RCAN3: variants seen among roughly 807,000 people sequenced by gnomAD.
RCAN3 encodes calcipressin-3.
RCAN3 carries 19 observed loss-of-function variants against 21.9 expected under a neutral mutation model. The observed-to-expected ratio is 0.87, with a 90% CI of 0.61 to 1.27. The LOEUF (loss-of-function observed/expected upper bound fraction) is 1.27. Among genes scored for constraint, RCAN3 ranks in the 50% most tolerant of loss-of-function variants. RCAN3 has a pLI of 0.00. For missense variants in RCAN3, 240 were observed against 300.1 expected, an observed-to-expected ratio of 0.80 and a Z score of 1.48; for synonymous variants, 114 against 112.3, an observed-to-expected ratio of 1.01 and a Z score of -0.09.
At chr1:24,528,511 A>C (rs1649462113) in intron 2 of RCAN3, among the ~76,000 whole-genome samples, 1 of 152,216 alleles carries the variant, frequency 6.6e-6, no homozygotes, top group Non-Finnish European at 1.5e-5. Context: ...CTGAAAATTG[A>C]TCTCCATGCA....
At chr1:24,523,159 G>A (rs1031481712) in intron 2 of RCAN3, among the ~76,000 whole-genome samples, 2 of 151,690 alleles carry the variant, frequency 1.3e-5, no homozygotes, top group Non-Finnish European at 2.9e-5. Context: ...CACCTCCCGG[G>A]TTCAAAGAGT....
intron 2 of RCAN3, among the ~76,000 whole-genome samples, chr1:24,518,825 G>C (rs932888241): frequency 2.0e-5 from 3 of 151,902 alleles, no homozygotes; most frequent in Admixed American, 1.3e-4. Flanking sequence ...CCAGGCTGGA[G>C]TGCAGTGGTG....
chr1:24,514,013 A>G (rs983230434), intron 1 of RCAN3, among the ~76,000 whole-genome samples: 1 of 152,214 alleles, frequency 6.6e-6, no homozygotes, highest in African/African-American at 2.4e-5. Flanking sequence ...AAACTAGAAT[A>G]CATATTGATA....
chr1:24,514,578 A>G lies in RCAN3; in HGVS notation c.195+11A>G, dbSNP rs747712423. ...GCACGAGAGCAGAAGGTAGGCATCT[A>G]TCCTCCCTTTCCCTACATTTGTAGC... On this transcript the variant is annotated intron_variant, in intron 2 of 4. Transcript: ENST00000374395. The G allele has an allele frequency of 3.1e-6, 5 of 1,610,202 alleles. No homozygotes were observed. The highest frequency in any genetic ancestry group is 3.4e-6 in the Non-Finnish European group (4 of 1,177,614).
chr1:24,521,017 A>G (rs1290775937), intron 2 of RCAN3, among the ~76,000 whole-genome samples: 2 of 152,292 alleles, frequency 1.3e-5, no homozygotes, highest in Non-Finnish European at 2.9e-5. Context: ...CTTGAAAACA[A>G]AGAACAAAGT....
chr1:24,505,762 A>C (rs1041001738), intron 1 of RCAN3, among the ~76,000 whole-genome samples: 1 of 152,070 alleles, frequency 6.6e-6, no homozygotes, highest in African/African-American at 2.4e-5. Flanking sequence ...TAGCATTTTT[A>C]ACATACAAAA....
At chr1:24,508,474 A>T (rs1472375431) in intron 1 of RCAN3, among the ~76,000 whole-genome samples, 1 of 152,192 alleles carries the variant, frequency 6.6e-6, no homozygotes, top group East Asian at 1.9e-4. Flanking sequence ...TCCAGTGTGG[A>T]TAAAGTCACG....
Position 24,533,183 on chromosome 1 carries a change from G to C in RCAN3, c.470G>C (p.Trp157Ser). Residue 157 changes from tryptophan (W) to serine (S), a missense_variant, in exon 4 of 5, where the codon TGG becomes TCG. Physicochemically the swap from Trp to Ser is radical, Grantham distance 177. Transcript: ENST00000374395. ...CCTCCAGCCTCTCCCCCGGTGGGGT[G>C]GAAGCAGAGCGAAGATGCGATGCCT... ...ISPPASPPVG[W>S]KQSEDAMPVI... 1.2e-6 allele frequency: 2 copies of C among 1,607,380 alleles called. No homozygotes were observed. Among genetic ancestry groups the C allele is most frequent in the Non-Finnish European group, 8.5e-7 (1 of 1,177,864 alleles).
At chr1:24,531,100 G>A (rs988509511) in intron 2 of RCAN3, 118 bp from the exon 3 acceptor site, 110 of 699,554 alleles carry the variant, frequency 1.6e-4, no homozygotes, top group Non-Finnish European at 2.4e-4. Context: ...TTGGAGAAAA[G>A]GTTAACTTAT....
intron 4 of RCAN3, 92 bp downstream of exon 4, chr1:24,533,346 G>C: frequency 9.4e-7 from 1 of 1,062,030 alleles, no homozygotes; most frequent in Non-Finnish European, 1.3e-6. Context: ...AGTATGATTA[G>C]AGCAGAGGAT....
intron 1 of RCAN3, among the ~76,000 whole-genome samples, chr1:24,511,229 C>T (rs1261102516): frequency 6.6e-6 from 1 of 152,162 alleles, no homozygotes; most frequent in East Asian, 1.9e-4. Context: ...AGGAGAATCG[C>T]TTGAACCCGG....
At chr1:24,507,939 G>GTGA (rs933232684) in intron 1 of RCAN3, among the ~76,000 whole-genome samples, 47 of 152,180 alleles carry the variant, frequency 3.1e-4, no homozygotes, top group African/African-American at 1.1e-3. Flanking sequence ...AGCTAGGTGT[G>GTGA]TGATGGCATG....
intron 1 of RCAN3, among the ~76,000 whole-genome samples, chr1:24,505,700 G>A (rs1647386928): frequency 6.6e-6 from 1 of 152,072 alleles, no homozygotes; most frequent in African/African-American, 2.4e-5. Context: ...TATACAGCAG[G>A]ACACTTGTAG....
At chr1:24,517,397 G>A (rs1410356748) in intron 2 of RCAN3, among the ~76,000 whole-genome samples, 2 of 152,088 alleles carry the variant, frequency 1.3e-5, no homozygotes, top group Admixed American at 1.3e-4. Flanking sequence ...TATTACAGGC[G>A]TGAGCCACCG....
chr1:24,538,583 TTTTTTTTTA>T lies in RCAN3; in HGVS notation c.*3308_*3316del, dbSNP rs1650351446. On this transcript the variant is annotated 3_prime_UTR_variant, in exon 5 of 5. Transcript: ENST00000374395. ...CCACGCCCGGCTAATTTTTTTTTTTTTTTTTTTTATAAGTAGAGACGGGGTTTCACCACG... is the reference window on the plus strand; with the variant it reads ...CCACGCCCGGCTAATTTTTTTTTTTTTAAGTAGAGACGGGGTTTCACCACG... The T allele has an allele frequency of 6.7e-6, 1 of 148,624 alleles. No homozygotes were observed. Among genetic ancestry groups the T allele is most frequent in the African/African-American group, 2.5e-5 (1 of 40,332 alleles). 9.2% of individuals were successfully genotyped at this position (148,624 alleles called of 1,614,324 possible). A position where few individuals can be genotyped will look rare whatever the true frequency, so the allele number is the denominator to read the frequency against.
chr1:24,513,923 AG>A (rs1347419793), intron 1 of RCAN3, among the ~76,000 whole-genome samples: 1 of 152,228 alleles, frequency 6.6e-6, no homozygotes, highest in East Asian at 1.9e-4. Flanking sequence ...TGGCTGTGCC[AG>A]TTACAGTGTT....
In RCAN3 at chr1:24,533,158, C is replaced by T; in HGVS notation, c.445C>T (p.Pro149Ser). ...GCCTGTCAAGCAGTTCCTCATCTCC[C>T]CTCCAGCCTCTCCCCCGGTGGGGTG... ...PQPVKQFLIS[P>S]PASPPVGWKQ... is the part of the protein sequence containing the mutation. Residue 149 changes from proline to serine, a missense_variant, in exon 4 of 5, where the codon CCT (proline) becomes TCT (serine). Transcript: ENST00000374395. 2 of 1,605,338 alleles carry T rather than the reference C, an allele frequency of 1.2e-6. No homozygotes were observed. Among genetic ancestry groups the T allele is most frequent in the South Asian group, 2.2e-5 (2 of 89,630 alleles).
rs5773092 is a variant in RCAN3, at chr1:24,537,617, GA to G, written c.*2341del. The stretch of plus-strand genomic sequence containing the variant: ...TATTACTTGGATTTAACCCTGATAG[GA>G]CCAGGTGTGGTGGCTCACACCATAA... On this transcript the variant is annotated 3_prime_UTR_variant, in exon 5 of 5. Transcript: ENST00000374395. 152,264 of 152,266 alleles carry G rather than the reference GA, an allele frequency of 1. 76,131 individuals are homozygous for G. The highest frequency in any genetic ancestry group is 1 in the Middle Eastern group (294 of 294). 9.4% of individuals were successfully genotyped at this position (152,266 alleles called of 1,614,324 possible).
chr1:24,530,179 C>T (rs996362333), intron 2 of RCAN3, among the ~76,000 whole-genome samples: 1 of 151,312 alleles, frequency 6.6e-6, no homozygotes, highest in Admixed American at 6.6e-5. Context: ...TGTGGCAAAA[C>T]CCCATCTCTA....
Sources: gnomAD v4.1 joint callset for allele counts (sites outside exome capture counted in the v4.1 genomes callset) on GRCh38, gnomAD v4.1.1 for gene constraint, MANE v1.5 for transcripts, NCBI Gene and HGNC (gene_info 2026-07-23, HGNC 2026-07-21) for gene names.